Variants in LIG1 observed in about 807,000 individuals in gnomAD.
The protein encoded by LIG1 is ligase I, DNA, ATP-dependent.
LIG1 carries 70 observed loss-of-function variants against 115.7 expected under a neutral mutation model. The observed-to-expected ratio is 0.60, with a 90% CI of 0.50 to 0.74. The LOEUF (loss-of-function observed/expected upper bound fraction) is 0.74, where lower values mean the gene tolerates loss of function less well. LIG1 is among the 30% of genes least tolerant of loss of function. LIG1 has a pLI of 0.00. For missense variants in LIG1, 1,115 were observed against 1,225.6 expected (o/e 0.91, Z 1.35); for synonymous variants, 487 against 495.3 (o/e 0.98, Z 0.22).
intron 4 of LIG1, among the ~76,000 whole-genome samples, chr19:48,158,399 G>T (rs1246685705): frequency 6.6e-6 from 1 of 152,178 alleles, no homozygotes; most frequent in East Asian, 1.9e-4. Flanking sequence ...ACGGTCACAT[G>T]AATCCCGGAC....
In LIG1 at chr19:48,116,000, C is replaced by T. The variant is rs757565812; in HGVS notation, c.2584-35G>A. On this transcript the variant is annotated intron_variant, in intron 26 of 27. Coordinates refer to ENST00000263274, the MANE Select transcript of LIG1 (RefSeq NM_000234.3). The stretch of plus-strand genomic sequence containing the variant: ...CGGGATGGAGACTCCTGCGGTCCAG[C>T]CCCAGCGACCCCCTGCTCAGTCTCC... 7 of 1,490,222 alleles carry T rather than the reference C, an allele frequency of 4.7e-6. No individual in the cohort carries two copies. In the East Asian group the frequency reaches 1.2e-4, roughly 25 times the overall value. The allele number at this position is 1,490,222 out of a possible 1,614,324, so 92.3% of individuals were successfully genotyped here.
intron 5 of LIG1, chr19:48,154,711 C>T (rs2035725322): frequency 6.5e-6 from 1 of 153,538 alleles, no homozygotes; most frequent in Non-Finnish European, 1.5e-5. Context: ...CCCATCTTCA[C>T]TGTTATATCT....
At chr19:48,141,506 G>C (rs1395336977) in intron 11 of LIG1, among the ~76,000 whole-genome samples, 1 of 152,188 alleles carries the variant, frequency 6.6e-6, no homozygotes, top group Non-Finnish European at 1.5e-5. Flanking sequence ...CCATTTTACG[G>C]ATAAAGAAAC....
chr19:48,119,124 C>T lies in LIG1; in HGVS notation c.2439+13G>A, dbSNP rs773321112. On this transcript the variant is annotated intron_variant, in intron 25 of 27. Transcript: ENST00000263274. ...AGAGGGGTGGAGGCTGAGGCGCAGC[C>T]GCCATGGCTCACCTTGAGGCTCTGG... 6.4e-6 allele frequency: 10 copies of T among 1,571,402 alleles called. No homozygotes were observed. Among genetic ancestry groups the T allele is most frequent in the South Asian group, 2.3e-5 (2 of 85,398 alleles).
chr19:48,119,102 G>C (rs1178972379), intron 25 of LIG1, 35 bp downstream of exon 25: 3 of 1,530,470 alleles, frequency 2.0e-6, no homozygotes, highest in East Asian at 2.4e-5. Context: ...AGGGGGGAGA[G>C]GGGTGGAGGC....
At position 48,131,168 on chromosome 19, in the gene LIG1, G is replaced by A; in HGVS notation, c.1729C>T (p.His577Tyr). ...YKYDGQRAQI[H>Y]ALEGGEVKIF... Reference sequence around the variant, plus strand: ...TTCACCTCCCCGCCTTCCAGGGCGTGGATCTGTCACGATGGGAGAAGGGAG... The same window carrying A: ...TTCACCTCCCCGCCTTCCAGGGCGTAGATCTGTCACGATGGGAGAAGGGAG... The change falls in exon 19 of 28, where the codon CAC becomes TAC. Residue 577 changes from histidine (H) to tyrosine (Y), a missense_variant. Coordinates refer to ENST00000263274, the MANE Select transcript of LIG1 (RefSeq NM_000234.3). The A allele has an allele frequency of 6.2e-7, 1 of 1,613,674 alleles. No individual in the cohort carries two copies. Among genetic ancestry groups the A allele is most frequent in the Non-Finnish European group, 8.5e-7 (1 of 1,179,622 alleles).
chr19:48,140,979 C>T (rs547257111), intron 11 of LIG1, among the ~76,000 whole-genome samples: 10 of 152,332 alleles, frequency 6.6e-5, no homozygotes, highest in African/African-American at 2.4e-4. Context: ...CTAGATAAAT[C>T]GGCTCTGTCT....
At chr19:48,167,862 G>C (rs1406105189) in intron 1 of LIG1, among the ~76,000 whole-genome samples, 1 of 137,820 alleles carries the variant, frequency 7.3e-6, no homozygotes, top group Non-Finnish European at 1.6e-5. Context: ...AAACAAAAAA[G>C]AAACTCAGCA....
At position 48,131,184 on chromosome 19, in the gene LIG1, G is replaced by A; in HGVS notation, c.1726-13C>T. 1 of 1,607,450 alleles carries A rather than the reference G, an allele frequency of 6.2e-7. No homozygotes were observed. Among genetic ancestry groups the A allele is most frequent in the South Asian group, 1.1e-5 (1 of 90,926 alleles). ...CCAGGGCGTGGATCTGTCACGATGG[G>A]AGAAGGGAGGGGAAATCAGCTGAGT... On this transcript the variant is annotated splice_polypyrimidine_tract_variant and intron_variant, in intron 18 of 27. Transcript: ENST00000263274.
At chr19:48,139,809 C>T (rs1176723136) in intron 12 of LIG1, among the ~76,000 whole-genome samples, 162 bp downstream of exon 12, 1 of 152,094 alleles carries the variant, frequency 6.6e-6, no homozygotes, top group Non-Finnish European at 1.5e-5. Context: ...TTCTCTCCCA[C>T]ACCCCTGCAA....
intron 4 of LIG1, 51 bp downstream of exon 4, chr19:48,161,321 A>C (rs907284311): frequency 6.2e-6 from 10 of 1,611,782 alleles, no homozygotes; most frequent in Non-Finnish European, 8.5e-6. Context: ...TCCAAAGGTT[A>C]ATGGGAATTA....
intron 14 of LIG1, among the ~76,000 whole-genome samples, chr19:48,136,793 G>A (rs1205489204): frequency 6.6e-6 from 1 of 152,202 alleles, no homozygotes; most frequent in Non-Finnish European, 1.5e-5. Flanking sequence ...AGGGGCCCAG[G>A]GGCCTTCTCT....
At position 48,120,692 on chromosome 19, in the gene LIG1, G is replaced by C. The variant is rs2033199497; in HGVS notation, c.2385+478C>G. ...TGTTCACTGGCTGAGGCTGACTCAG[G>C]GTCCAACCCCCTTTGCTCTTCCCTG... On this transcript the variant is annotated intron_variant, in intron 24 of 27. Coordinates refer to ENST00000263274, the MANE Select transcript of LIG1 (RefSeq NM_000234.3). 6.7e-6 allele frequency: 3 copies of C among 445,776 alleles called. No individual in the cohort carries two copies. The Admixed American group carries it at 1.9e-4, about 29-fold the overall frequency. 27.6% of individuals were successfully genotyped at this position (445,776 alleles called of 1,614,324 possible). A position where few individuals can be genotyped will look rare whatever the true frequency, so the allele number is the denominator to read the frequency against.
chr19:48,116,675 T>C (rs1233092954), intron 26 of LIG1, among the ~76,000 whole-genome samples: 1 of 152,078 alleles, frequency 6.6e-6, no homozygotes, highest in Non-Finnish European at 1.5e-5. Flanking sequence ...TCACTACGTC[T>C]TACGGATTTT....
chr19:48,151,754 G>A (rs1047880085), intron 6 of LIG1, among the ~76,000 whole-genome samples: 2 of 152,100 alleles, frequency 1.3e-5, no homozygotes, highest in Non-Finnish European at 2.9e-5. Flanking sequence ...AGTGGGCCAC[G>A]TAAGACCCTG....
Position 48,115,496 on chromosome 19 carries a change from T to G in LIG1, c.*153A>C. The G allele has an allele frequency of 1.5e-6, 1 of 663,138 alleles. No homozygotes were observed. The highest frequency in any genetic ancestry group is 2.7e-6 in the Non-Finnish European group (1 of 364,382). 41.1% of individuals were successfully genotyped at this position (663,138 alleles called of 1,614,324 possible). On this transcript the variant is annotated 3_prime_UTR_variant, in exon 28 of 28. Coordinates refer to ENST00000263274, the MANE Select transcript of LIG1 (RefSeq NM_000234.3). Reference sequence around the variant, plus strand: ...AGAAATGACGGGATGAATCCCAGACTCCGGAGTAAGCCACCCCCTCACACA... The same window carrying G: ...AGAAATGACGGGATGAATCCCAGACGCCGGAGTAAGCCACCCCCTCACACA...
intron 24 of LIG1, among the ~76,000 whole-genome samples, chr19:48,119,909 C>CT (rs2033151537): frequency 6.6e-6 from 1 of 152,178 alleles, no homozygotes; most frequent in Admixed American, 6.6e-5. Context: ...TAAAAATTAG[C>CT]AGTAATGCTG....
intron 6 of LIG1, among the ~76,000 whole-genome samples, chr19:48,153,309 C>G (rs1167703915): frequency 6.6e-6 from 1 of 150,640 alleles, no homozygotes; most frequent in Non-Finnish European, 1.5e-5. Context: ...GGCCTAGGAG[C>G]ATCATAAAAA....
In LIG1 at chr19:48,137,681, C is replaced by T. The variant is rs1362657846; in HGVS notation, c.1095G>A (p.Gln365=). ...CTGCCTCAGCCCGGACGGACTCCAG[C>T]TGCCGACCTTCAGGGGAGAGCGCGG... The part of the protein sequence containing the change: ...LKAVAQATGR[Q]LESVRAEAAE... Residue 365 remains glutamine (Q), a synonymous_variant, in exon 13 of 28, where the codon CAG becomes CAA. Coordinates refer to ENST00000263274, the MANE Select transcript of LIG1 (RefSeq NM_000234.3). The surrounding 1 kb of genome is among the most constrained non-coding windows in gnomAD (Gnocchi z 4.3). 1 of 1,603,278 alleles carries T rather than the reference C, an allele frequency of 6.2e-7. No individual in the cohort carries two copies. The highest frequency in any genetic ancestry group is 8.5e-7 in the Non-Finnish European group (1 of 1,179,022).
Sources: gnomAD v4.1 joint callset for allele counts (sites outside exome capture counted in the v4.1 genomes callset) on GRCh38, gnomAD v4.1.1 for gene constraint, Gnocchi (gnomAD v3.1) non-coding constraint, MANE v1.5 for transcripts, NCBI Gene and HGNC (gene_info 2026-07-23, HGNC 2026-07-21) for gene names.